Variants in DLGAP1 observed in about 807,000 individuals in gnomAD.
DLGAP1 encodes disks large-associated protein 1.
In DLGAP1, 11 loss-of-function variants were observed where a neutral mutation model predicts 90.8. The ratio of observed to expected loss-of-function variants is 0.12; its 90% confidence interval spans 0.08 to 0.20. The LOEUF (loss-of-function observed/expected upper bound fraction) is 0.20. DLGAP1 is among the 10% of genes least tolerant of loss of function. The probability of loss-of-function intolerance (pLI) is 1.00; values close to 1 mark genes in which losing one functional copy is unlikely to be tolerated. For synonymous variants in DLGAP1, 558 were observed against 540.7 expected (o/e 1.03, Z -0.44); for missense variants, 1,050 against 1,333.8 (o/e 0.79, Z 3.31).
At chr18:4,265,698 T>TTCCCTCCC (rs1233597653) in intron 1 of DLGAP1, among the ~76,000 whole-genome samples, 4 of 118,020 alleles carry the variant, frequency 3.4e-5, no homozygotes, top group African/African-American at 1.5e-4. Context: ...CCTTCCTTCC[T>TTCCCTCCC]TCCCTCCTCT....
chr18:3,929,855 C>T (rs760329225), intron 3 of DLGAP1, among the ~76,000 whole-genome samples: 2 of 152,182 alleles, frequency 1.3e-5, no homozygotes, highest in African/African-American at 2.4e-5. Context: ...AATATTTGTA[C>T]ATGCTCTATT....
intron 3 of DLGAP1, among the ~76,000 whole-genome samples, chr18:3,911,940 C>T (rs1388044673): frequency 1.3e-5 from 2 of 152,202 alleles, no homozygotes; most frequent in African/African-American, 2.4e-5. Context: ...CCTGGGCCCA[C>T]AGCAGCAGCA....
intron 9 of DLGAP1, among the ~76,000 whole-genome samples, chr18:3,537,636 A>ATAT (rs2052452007): frequency 1.3e-5 from 2 of 152,212 alleles, no homozygotes; most frequent in African/African-American, 2.4e-5. Flanking sequence ...CCCGAGGTAG[A>ATAT]ACTACTGAGT....
At chr18:4,434,498 T>C (rs1285615159) in intron 1 of DLGAP1, among the ~76,000 whole-genome samples, 1 of 152,194 alleles carries the variant, frequency 6.6e-6, no homozygotes, top group Non-Finnish European at 1.5e-5. Flanking sequence ...TTTCTTCCCC[T>C]GTGCTGCAAG....
rs1405439139 is a variant in DLGAP1, at chr18:4,151,201, T to A, written c.-180A>T. On this transcript the variant is annotated 5_prime_UTR_variant, in exon 2 of 13. Transcript: ENST00000315677. ...TTACCTTTGATTATCAATTGTCCATTTTCCTTGCTTCCGAGTCAGGAAAAG... is the reference window on the plus strand; with the variant it reads ...TTACCTTTGATTATCAATTGTCCATATTCCTTGCTTCCGAGTCAGGAAAAG... 6.6e-6 allele frequency: 1 copy of A among 152,330 alleles called. No individual in the cohort carries two copies. Among genetic ancestry groups the A allele is most frequent in the Middle Eastern group, 3.4e-3 (1 of 294 alleles). The allele number at this position is 152,330 out of a possible 1,614,324, so 9.4% of individuals were successfully genotyped here.
chr18:3,651,981 A>C (rs559054228), intron 7 of DLGAP1, among the ~76,000 whole-genome samples: 3 of 147,828 alleles, frequency 2.0e-5, no homozygotes, highest in Admixed American at 2.0e-4. Flanking sequence ...ACACAACAAC[A>C]ACAACAACAA....
intron 2 of DLGAP1, among the ~76,000 whole-genome samples, chr18:4,101,989 A>T (rs1213521894): frequency 6.6e-6 from 1 of 151,412 alleles, no homozygotes; most frequent in Non-Finnish European, 1.5e-5. Context: ...TTGTGTATTA[A>T]AATTTCAGGT....
At chr18:4,293,063 A>T (rs2079890052) in intron 1 of DLGAP1, 1 of 152,244 alleles carries the variant, frequency 6.6e-6, no homozygotes, top group Non-Finnish European at 1.5e-5. Flanking sequence ...GGAAACGGAG[A>T]TGAAATCAGT....
At chr18:4,000,158 CT>C (rs2074153096) in intron 3 of DLGAP1, among the ~76,000 whole-genome samples, 1 of 152,066 alleles carries the variant, frequency 6.6e-6, no homozygotes. Context: ...GTTCTGAGCC[CT>C]TTTTATTAAC....
intron 7 of DLGAP1, among the ~76,000 whole-genome samples, chr18:3,584,599 A>C (rs2055763210): frequency 6.6e-6 from 1 of 152,198 alleles, no homozygotes. Context: ...TAAATCAAGC[A>C]AATGTCTCAT....
intron 4 of DLGAP1, chr18:3,845,112 A>G: frequency 7.8e-7 from 1 of 1,274,132 alleles, no homozygotes; most frequent in Non-Finnish European, 1.1e-6. Context: ...GTTCACAGAC[A>G]TCATGAAACA....
At chr18:4,224,597 G>A (rs757146256) in intron 1 of DLGAP1, among the ~76,000 whole-genome samples, 4 of 152,128 alleles carry the variant, frequency 2.6e-5, no homozygotes, top group Non-Finnish European at 4.4e-5. Context: ...TGGCAGACAC[G>A]GAGGAAGACG....
At chr18:3,576,827 A>G (rs1272557276) in intron 8 of DLGAP1, among the ~76,000 whole-genome samples, 1 of 149,760 alleles carries the variant, frequency 6.7e-6, no homozygotes, top group African/African-American at 2.5e-5. Context: ...TGGCCTCCCA[A>G]AGTGCTGGGA....
intron 7 of DLGAP1, among the ~76,000 whole-genome samples, chr18:3,601,737 TG>T (rs1317657816): frequency 5.3e-5 from 8 of 151,006 alleles, no homozygotes; most frequent in Middle Eastern, 3.2e-3. Flanking sequence ...CCCAGCTACT[TG>T]GGAGGCTGAG....
chr18:4,174,490 A>G (rs2077074312), intron 1 of DLGAP1, among the ~76,000 whole-genome samples: 1 of 150,934 alleles, frequency 6.6e-6, no homozygotes, highest in Admixed American at 6.6e-5. Flanking sequence ...GCCCACCACC[A>G]CGCCCGGCTA....
At chr18:3,645,662 A>C (rs959527428) in intron 7 of DLGAP1, among the ~76,000 whole-genome samples, 1 of 152,172 alleles carries the variant, frequency 6.6e-6, no homozygotes, top group Non-Finnish European at 1.5e-5. Context: ...TCCTAGGCTG[A>C]CTTCTATGTT....
rs2067450177 is a variant in DLGAP1 at position 3,822,035 on chromosome 18, A to G, written c.958-7762T>C. 4 of 954,278 alleles carry G rather than the reference A, an allele frequency of 4.2e-6. No individual in the cohort carries two copies. The South Asian group carries it at 1.5e-4, about 35-fold the overall frequency. The allele number at this position is 954,278 out of a possible 1,614,324, so 59.1% of individuals were successfully genotyped here. On this transcript the variant is annotated intron_variant, in intron 4 of 12. Transcript: ENST00000315677. ...TCATAGCAAAAACAGAAAAAAAAAAAAAAAAGAGCAAGAATAGGAAAATTA... is the reference window on the plus strand; with the variant it reads ...TCATAGCAAAAACAGAAAAAAAAAAGAAAAAGAGCAAGAATAGGAAAATTA...
chr18:4,066,727 G>T (rs1237469051), intron 2 of DLGAP1, among the ~76,000 whole-genome samples: 1 of 152,098 alleles, frequency 6.6e-6, no homozygotes, highest in Admixed American at 6.6e-5. Context: ...CACTGTTGGG[G>T]GGGTGTAAAT....
chr18:4,123,440 A>G (rs1240045183), intron 2 of DLGAP1, among the ~76,000 whole-genome samples: 1 of 152,152 alleles, frequency 6.6e-6, no homozygotes, highest in Non-Finnish European at 1.5e-5. Context: ...GGGAGGAAGA[A>G]AGGAAGGGCC....
Sources: gnomAD v4.1 joint callset for allele counts (sites outside exome capture counted in the v4.1 genomes callset) on GRCh38, gnomAD v4.1.1 for gene constraint, MANE v1.5 for transcripts, NCBI Gene and HGNC (gene_info 2026-07-23, HGNC 2026-07-21) for gene names.